CXADR: variants seen among roughly 807,000 people sequenced by gnomAD.
CXADR encodes coxsackievirus and adenovirus receptor.
In CXADR, 20 loss-of-function variants were observed where a neutral mutation model predicts 40.3. The ratio of observed to expected loss-of-function variants is 0.50; its 90% CI spans 0.35 to 0.72. The LOEUF is 0.72. Among genes scored for constraint, CXADR ranks in the 30% least tolerant of loss-of-function variants. The probability of loss-of-function intolerance (pLI) is 0.01; values close to 1 mark genes in which losing one functional copy is unlikely to be tolerated. For missense variants in CXADR, 332 were observed against 449.1 expected (o/e 0.74, Z 2.36); for synonymous variants, 150 against 161.3 (o/e 0.93, Z 0.53).
Position 17,513,081 on chromosome 21 carries a change from G to A in CXADR, c.-49G>A, listed in dbSNP as rs1284409307. 5.2e-6 allele frequency: 7 copies of A among 1,335,516 alleles called. No homozygotes were observed. Among genetic ancestry groups the A allele is most frequent in the African/African-American group, 4.6e-5 (3 of 64,852 alleles). 82.7% of individuals were successfully genotyped at this position (1,335,516 alleles called of 1,614,324 possible). A position where few individuals can be genotyped will look rare whatever the true frequency, so the allele number is the denominator to read the frequency against. On this transcript the variant is annotated 5_prime_UTR_variant, in exon 1 of 7. Transcript: ENST00000284878. Reference sequence around the variant, plus strand: ...CGAGGCGCGGGGAGCCTGGGACCAGGAGCGAGAGCCGCCTACCTGCAGCCG... The same window carrying A: ...CGAGGCGCGGGGAGCCTGGGACCAGAAGCGAGAGCCGCCTACCTGCAGCCG...
chr21:17,629,097 T>A, the CXADR span, among the ~76,000 whole-genome samples: 1 of 152,002 alleles, frequency 6.6e-6, no homozygotes, highest in South Asian at 2.1e-4. Context: ...TACAACTTAC[T>A]GGGGGTAAGA....
intron 6 of CXADR, 55 bp from the exon 7 acceptor site, chr21:17,565,373 T>G: frequency 6.4e-7 from 1 of 1,562,714 alleles, no homozygotes; most frequent in Non-Finnish European, 8.7e-7. Flanking sequence ...CTTGCATAAT[T>G]GTAGGTTTTT....
chr21:17,607,622 T>A, the CXADR span, among the ~76,000 whole-genome samples: 1 of 151,898 alleles, frequency 6.6e-6, no homozygotes, highest in Non-Finnish European at 1.5e-5. Flanking sequence ...TTTAGACTCC[T>A]TGAATAGTGC....
At chr21:17,518,157 A>G (rs2060484089) in intron 1 of CXADR, among the ~76,000 whole-genome samples, 1 of 152,152 alleles carries the variant, frequency 6.6e-6, no homozygotes. Context: ...TTTTATTTCT[A>G]CTGGGGAGGG....
intron 1 of CXADR, among the ~76,000 whole-genome samples, chr21:17,545,072 G>GTTT (rs869189508): frequency 0.016 from 885 of 55,218 alleles, 30 homozygotes; most frequent in Non-Finnish European, 0.019. Flanking sequence ...GCTCTAATGT[G>GTTT]TTTTTTTTTT....
chr21:17,519,831 C>T (rs1446785790), intron 1 of CXADR, among the ~76,000 whole-genome samples: 1 of 151,992 alleles, frequency 6.6e-6, no homozygotes, highest in African/African-American at 2.4e-5. Context: ...TGGTGATGTG[C>T]GTCTGTAATC....
chr21:17,570,465 C>A (rs916879549), downstream of CXADR, among the ~76,000 whole-genome samples: 1 of 152,126 alleles, frequency 6.6e-6, no homozygotes, highest in Non-Finnish European at 1.5e-5. Context: ...AAGGCACTGG[C>A]AGATTTGGTG....
chr21:17,602,134 GA>G, the CXADR span, among the ~76,000 whole-genome samples: 5 of 149,968 alleles, frequency 3.3e-5, no homozygotes, highest in Admixed American at 3.3e-4. Context: ...TCTATTGGGG[GA>G]AAAAAAGGAT....
At chr21:17,618,819 G>A in the CXADR span, among the ~76,000 whole-genome samples, 1 of 152,160 alleles carries the variant, frequency 6.6e-6, no homozygotes, top group African/African-American at 2.4e-5. Context: ...ACAAGCATGA[G>A]CCACCACTCC....
intron 1 of CXADR, among the ~76,000 whole-genome samples, chr21:17,533,761 CT>C (rs2060707823): frequency 1.3e-5 from 2 of 151,838 alleles, no homozygotes; most frequent in African/African-American, 4.8e-5. Context: ...TGGGGGCCTG[CT>C]TTTTGATTTC....
chr21:17,547,940 A>G (rs1276746934), intron 2 of CXADR, among the ~76,000 whole-genome samples: 1 of 152,170 alleles, frequency 6.6e-6, no homozygotes, highest in Admixed American at 6.5e-5. Context: ...AAAATAGCAC[A>G]GAGGAGGAAA....
intron 1 of CXADR, among the ~76,000 whole-genome samples, chr21:17,530,850 C>G (rs1248248914): frequency 6.6e-6 from 1 of 152,026 alleles, no homozygotes; most frequent in Non-Finnish European, 1.5e-5. Flanking sequence ...GTGACATTAT[C>G]CTACATGTGT....
chr21:17,538,902 G>T (rs963318013), intron 1 of CXADR, among the ~76,000 whole-genome samples: 7 of 152,226 alleles, frequency 4.6e-5, no homozygotes, highest in African/African-American at 1.7e-4. Flanking sequence ...AAGTGTGGTT[G>T]CAGGGAAGCC....
chr21:17,551,970 T>A lies in CXADR; in HGVS notation c.415+17T>A, dbSNP rs753382710. ...TAGTTCTTGGTAAGTTATTTTTATT[T>A]GTGTTAACGGGTTACTGAGTAAGAG... On this transcript the variant is annotated intron_variant, in intron 3 of 6. Transcript: ENST00000284878. 5 of 1,579,996 alleles carry A rather than the reference T, an allele frequency of 3.2e-6. No homozygotes were observed. In the Admixed American group the frequency reaches 8.3e-5, roughly 26 times the overall value.
At chr21:17,533,267 A>G (rs2060701417) in intron 1 of CXADR, among the ~76,000 whole-genome samples, 1 of 152,200 alleles carries the variant, frequency 6.6e-6, no homozygotes, top group Admixed American at 6.5e-5. Context: ...TTTTTCCAAA[A>G]AAAGAAAAAG....
In CXADR at chr21:17,561,005, G is replaced by A. The variant is rs554474911; in HGVS notation, c.694+181G>A. ...ATTAAAAAAACTTCATAATTGCAAT[G>A]ATATATTAAGAAGGTAAGAGTTGTC... On this transcript the variant is annotated intron_variant, in intron 5 of 6. Coordinates refer to ENST00000284878, the MANE Select transcript of CXADR (RefSeq NM_001338.5). 9.2e-5 allele frequency among the ~76,000 whole-genome samples: 14 copies of A among 152,270 alleles called. 1 individual carries two copies. The South Asian group carries it at 2.3e-3, about 25-fold the overall frequency.
In CXADR at chr21:17,561,298, A is replaced by G. The variant is rs763147801; in HGVS notation, c.695-40A>G. 19 of 1,214,098 alleles carry G rather than the reference A, an allele frequency of 1.6e-5. No homozygotes were observed. In the African/African-American group the frequency reaches 2.2e-4, roughly 14 times the overall value. 75.2% of individuals were successfully genotyped at this position (1,214,098 alleles called of 1,614,324 possible). ...CTACCTTCAGTATCTATACATGTAT[A>G]TATGTATATATTTTTTACTATTAAT... is the stretch of plus-strand genomic sequence containing the variant. On this transcript the variant is annotated intron_variant, in intron 5 of 6. Transcript: ENST00000284878.
At chr21:17,543,765 G>A (rs1288460479) in intron 1 of CXADR, among the ~76,000 whole-genome samples, 2 of 152,128 alleles carry the variant, frequency 1.3e-5, no homozygotes, top group African/African-American at 4.8e-5. Flanking sequence ...ATTTATTTCA[G>A]CCCTAATAGA....
At chr21:17,607,701 G>A in the CXADR span, among the ~76,000 whole-genome samples, 9 of 152,196 alleles carry the variant, frequency 5.9e-5, no homozygotes, top group African/African-American at 1.9e-4. Context: ...GTTGATTTGT[G>A]TAGGAAACTT....
Sources: allele counts gnomAD v4.1 joint callset (sites outside exome capture counted in the v4.1 genomes callset), GRCh38; gene constraint gnomAD v4.1.1; transcripts MANE v1.5; gene names NCBI Gene and HGNC (gene_info 2026-07-23, HGNC 2026-07-21).